AGMO: variants seen among roughly 807,000 people sequenced by gnomAD.
AGMO encodes the protein glyceryl-ether monooxygenase.
AGMO carries 75 observed loss-of-function variants against 60.2 expected under a neutral mutation model. The observed-to-expected ratio is 1.25, with a 90% CI of 1.03 to 1.51. AGMO has a LOEUF of 1.51. Among genes scored for constraint, AGMO ranks in the 40% most tolerant of loss-of-function variants. The probability of loss-of-function intolerance (pLI) is 0.00; values close to 1 mark genes in which losing one functional copy is unlikely to be tolerated. For missense variants in AGMO, 763 were observed against 525.5 expected, an observed-to-expected ratio of 1.45 and a Z score of -4.42; for synonymous variants, 261 against 177.1, an observed-to-expected ratio of 1.47 and a Z score of -3.76.
the AGMO span, among the ~76,000 whole-genome samples, chr7:15,133,023 G>A: frequency 3.5e-4 from 53 of 152,218 alleles, no homozygotes; most frequent in African/African-American, 1.1e-3. Context: ...CAACTGAGAA[G>A]GGCAAGAATA....
the AGMO span, among the ~76,000 whole-genome samples, chr7:15,117,704 A>G: frequency 2.6e-3 from 398 of 152,146 alleles, 1 homozygote; most frequent in African/African-American, 9.1e-3. Context: ...AGAAAATTAT[A>G]GATAGAAATG....
At chr7:15,480,414 G>C (rs1340554386) in intron 3 of AGMO, among the ~76,000 whole-genome samples, 1 of 152,154 alleles carries the variant, frequency 6.6e-6, no homozygotes, top group Non-Finnish European at 1.5e-5. Flanking sequence ...TCAGTGCATA[G>C]TTGATGGGGT....
At chr7:15,518,310 T>G (rs1783879259) in intron 3 of AGMO, among the ~76,000 whole-genome samples, 1 of 152,166 alleles carries the variant, frequency 6.6e-6, no homozygotes, top group Non-Finnish European at 1.5e-5. Context: ...AGCACAGCAC[T>G]GGAGCTCTGC....
intron 3 of AGMO, among the ~76,000 whole-genome samples, chr7:15,499,907 GCACACACACA>G (rs367953278): frequency 1.5e-5 from 2 of 137,718 alleles, no homozygotes; most frequent in Admixed American, 7.6e-5. Context: ...TATGTATTAC[GCACACACACA>G]CACACACACA....
chr7:15,560,256 T>C lies in AGMO; in HGVS notation c.142A>G (p.Ile48Val), dbSNP rs1785268147. 6.2e-7 allele frequency: 1 copy of C among 1,611,696 alleles called. No homozygotes were observed. The highest frequency in any genetic ancestry group is 8.5e-7 in the Non-Finnish European group (1 of 1,178,490). ...DYVKKATPFF[I>V]SLMLLELVVS... ...ACAAGTTCAAGCAGCATCAAAGAAA[T>C]GAAAAATGGAGTTGCCTGGAAAGGA... Residue 48 changes from isoleucine (I) to valine (V), a missense_variant, in exon 2 of 13, where the codon ATT becomes GTT. Physicochemically the swap from Ile to Val is conservative, Grantham distance 29 (BLOSUM62 3). Transcript: ENST00000342526.
intron 3 of AGMO, among the ~76,000 whole-genome samples, chr7:15,432,944 T>A (rs1438016291): frequency 6.6e-6 from 1 of 151,938 alleles, no homozygotes; most frequent in Admixed American, 6.6e-5. Flanking sequence ...ATTTGATGAA[T>A]CCCCTAAAGT....
chr7:15,349,393 T>C (rs1782150835), intron 12 of AGMO, among the ~76,000 whole-genome samples: 1 of 152,128 alleles, frequency 6.6e-6, no homozygotes, highest in Non-Finnish European at 1.5e-5. Flanking sequence ...GATTATTCAT[T>C]TTTTTAGATT....
intron 12 of AGMO, among the ~76,000 whole-genome samples, chr7:15,341,848 G>A (rs1171230008): frequency 1.3e-5 from 2 of 151,984 alleles, no homozygotes; most frequent in African/African-American, 2.4e-5. Flanking sequence ...TGTGTGCAGG[G>A]GAACTGACCT....
chr7:15,525,374 C>T (rs780819441), intron 3 of AGMO, among the ~76,000 whole-genome samples: 8 of 152,032 alleles, frequency 5.3e-5, no homozygotes, highest in Non-Finnish European at 8.8e-5. Context: ...TTGATCCCCA[C>T]CCTTCAACTA....
Position 15,333,557 on chromosome 7 carries a change from C to T in AGMO, c.1263+31957G>A, listed in dbSNP as rs192951939. Among the ~76,000 whole-genome samples the T allele has an allele frequency of 5.2e-3, 768 of 148,828 alleles. 8 individuals are homozygous for T. The highest frequency in any genetic ancestry group is 0.018 in the African/African-American group (710 of 40,510). ...GGCCCTGACAAGTGCTAATGTATAC[C>T]CTTTGGATTACTTGATACTCTCTAT... On this transcript the variant is annotated intron_variant, in intron 12 of 12. Transcript: ENST00000342526.
chr7:15,262,065 T>C (rs547460914), intron 12 of AGMO, among the ~76,000 whole-genome samples: 2 of 151,876 alleles, frequency 1.3e-5, no homozygotes, highest in South Asian at 4.1e-4. Context: ...GTTGAAAGCA[T>C]TCCCCCTGAG....
chr7:15,374,342 A>G (rs1376701273), intron 10 of AGMO, among the ~76,000 whole-genome samples: 2 of 152,160 alleles, frequency 1.3e-5, no homozygotes, highest in African/African-American at 4.8e-5. Context: ...CAAACATAAT[A>G]AATATATCAA....
intron 3 of AGMO, among the ~76,000 whole-genome samples, chr7:15,527,346 T>C (rs779150655): frequency 7.2e-5 from 11 of 152,156 alleles, no homozygotes; most frequent in Non-Finnish European, 7.4e-5. Context: ...GAAACAAGTT[T>C]TAGTGTTCTG....
At position 15,354,427 on chromosome 7, in the gene AGMO, CACGT is replaced by C. The variant is rs1273421233; in HGVS notation, c.1263+11083_1263+11086del. Among the ~76,000 whole-genome samples, 323 of 24,020 alleles carry C rather than the reference CACGT, an allele frequency of 0.013. 21 individuals are homozygous for C. In the East Asian group the frequency reaches 0.26, roughly 19 times the overall value. 15.8% of individuals were successfully genotyped at this position (24,020 alleles called of 152,430 possible). On this transcript the variant is annotated intron_variant, in intron 12 of 12. Transcript: ENST00000342526. ...GTGTACACACGTGTGTGTATACACA[CACGT>C]GTGTGTATACACACGTGTGTGTATA... is the stretch of plus-strand genomic sequence containing the variant.
intron 5 of AGMO, chr7:15,396,341 A>C (rs1784381689): frequency 6.6e-6 from 1 of 152,210 alleles, no homozygotes; most frequent in South Asian, 2.1e-4. Context: ...CGCTGGCTTC[A>C]GGAGTATAGC....
chr7:15,260,212 GAAAAA>G (rs753533328), intron 12 of AGMO, among the ~76,000 whole-genome samples: 5 of 109,946 alleles, frequency 4.5e-5, no homozygotes, highest in Non-Finnish European at 9.8e-5. Flanking sequence ...ACAGAGCGAG[GAAAAA>G]AAAAAAAAAA....
chr7:15,406,369 CAT>C (rs1261449288), intron 5 of AGMO, among the ~76,000 whole-genome samples: 2 of 140,092 alleles, frequency 1.4e-5, no homozygotes, highest in Non-Finnish European at 3.1e-5. Flanking sequence ...TATATACACA[CAT>C]ACATATGAAT....
intron 5 of AGMO, among the ~76,000 whole-genome samples, chr7:15,396,766 T>G (rs970382464): frequency 1.3e-5 from 2 of 151,644 alleles, no homozygotes; most frequent in African/African-American, 4.9e-5. Flanking sequence ...GGAGAGCTGA[T>G]TGGTCCATCT....
At chr7:15,400,248 G>T (rs79646641) in intron 5 of AGMO, among the ~76,000 whole-genome samples, 2,882 of 152,026 alleles carry the variant, frequency 0.019, 86 homozygotes, top group African/African-American at 0.067. Flanking sequence ...TACAGCAGCG[G>T]TTCTCAAATT....
Sources: gnomAD v4.1 joint callset for allele counts (sites outside exome capture counted in the v4.1 genomes callset) on GRCh38, gnomAD v4.1.1 for gene constraint, MANE v1.5 for transcripts, NCBI Gene and HGNC (gene_info 2026-07-23, HGNC 2026-07-21) for gene names.